SCNN1B: variants seen among roughly 807,000 people sequenced by gnomAD.
The protein encoded by SCNN1B is sodium channel epithelial 1 subunit beta.
In SCNN1B, 46 loss-of-function variants were observed where a neutral mutation model predicts 65.3. The observed-to-expected ratio is 0.70, with a 90% CI of 0.56 to 0.90. The LOEUF is 0.90. Among genes scored for constraint, SCNN1B ranks in the 40% least tolerant of loss-of-function variants. The pLI is 0.00. For synonymous variants in SCNN1B, 349 were observed against 330.6 expected (o/e 1.06, Z -0.60); for missense variants, 751 against 830.5 (o/e 0.90, Z 1.18).
intron 2 of SCNN1B, among the ~76,000 whole-genome samples, chr16:23,293,995 A>C (rs1960962013): frequency 6.6e-6 from 1 of 152,112 alleles, no homozygotes; most frequent in South Asian, 2.1e-4. Flanking sequence ...AATAAAAAAA[A>C]TATAAAAAAT....
intron 2 of SCNN1B, among the ~76,000 whole-genome samples, chr16:23,349,754 C>G (rs1034371625): frequency 6.6e-6 from 1 of 152,090 alleles, no homozygotes; most frequent in Non-Finnish European, 1.5e-5. Context: ...ACATGCCCCA[C>G]AAAGTTGTCC....
At chr16:23,300,887 T>C (rs1451903805), upstream of SCNN1B, among the ~76,000 whole-genome samples, 1 of 151,964 alleles carries the variant, frequency 6.6e-6, no homozygotes, top group Non-Finnish European at 1.5e-5. Flanking sequence ...AAGTAGTGGG[T>C]TTATTATAGT....
In SCNN1B at chr16:23,288,413, T is replaced by C. The variant is rs546741400; in HGVS notation, n.178+4609T>C. On this transcript the variant is annotated intron_variant and non_coding_transcript_variant, in intron 2 of 3. Transcript: ENST00000569789. ...TACCACACTTAGTGGCTTAAAACATTACTCATTTATTACGTGACAGTTTCT... is the reference window on the plus strand; with the variant it reads ...TACCACACTTAGTGGCTTAAAACATCACTCATTTATTACGTGACAGTTTCT... 3.1e-4 allele frequency among the ~76,000 whole-genome samples: 47 copies of C among 152,296 alleles called. 1 individual carries two copies. The highest frequency in any genetic ancestry group is 9.2e-4 in the Admixed American group (14 of 15,292).
At chr16:23,296,924 T>A (rs1961005546) in intron 2 of SCNN1B, among the ~76,000 whole-genome samples, 1 of 149,678 alleles carries the variant, frequency 6.7e-6, no homozygotes, top group Non-Finnish European at 1.5e-5. Context: ...GAGGCAGAGG[T>A]TGCAGTGAGC....
intron 7 of SCNN1B, among the ~76,000 whole-genome samples, chr16:23,374,273 A>AAAAAAG (rs1962844770): frequency 7.6e-6 from 1 of 132,064 alleles, no homozygotes; most frequent in Non-Finnish European, 1.7e-5. Context: ...CTCAGGAAAA[A>AAAAAAG]AAAAAAAAAA....
chr16:23,336,573 T>C (rs564104110), intron 1 of SCNN1B, among the ~76,000 whole-genome samples: 1 of 152,194 alleles, frequency 6.6e-6, no homozygotes, highest in Middle Eastern at 3.4e-3. Flanking sequence ...GGTTTCACCA[T>C]GTTGGCCAGG....
chr16:23,343,495 G>GAAGGAAGGAAGGAAGGAAGGAAGGAA (rs1962099982), intron 1 of SCNN1B, among the ~76,000 whole-genome samples: 1 of 86,578 alleles, frequency 1.2e-5, no homozygotes, highest in African/African-American at 3.5e-5. Context: ...AGGAAGGAAG[G>GAAGGAAGGAAGGAAGGAAGGAAGGAA]AAGGAAGGAA....
intron 4 of SCNN1B, among the ~76,000 whole-genome samples, chr16:23,357,979 C>T (rs1962454923): frequency 6.6e-6 from 1 of 152,256 alleles, no homozygotes; most frequent in Non-Finnish European, 1.5e-5. Flanking sequence ...GGCCCATCTG[C>T]TCAGTGAGAA....
At chr16:23,349,364 G>A (rs1962259950) in intron 2 of SCNN1B, among the ~76,000 whole-genome samples, 1 of 152,176 alleles carries the variant, frequency 6.6e-6, no homozygotes, top group South Asian at 2.1e-4. Context: ...GCACATGTCT[G>A]TGGTCTGAGC....
chr16:23,374,470 A>G (rs946343270), intron 7 of SCNN1B, among the ~76,000 whole-genome samples: 19 of 143,724 alleles, frequency 1.3e-4, no homozygotes, highest in Admixed American at 3.7e-4. Context: ...GCTACTCAGG[A>G]GGCTAAGGCA....
At chr16:23,319,745 T>C (rs1961548777) in intron 1 of SCNN1B, among the ~76,000 whole-genome samples, 3 of 152,114 alleles carry the variant, frequency 2.0e-5, no homozygotes, top group Admixed American at 2.0e-4. Flanking sequence ...GCACATATTA[T>C]CAAATTATCT....
At chr16:23,349,946 G>A (rs1290419238) in intron 2 of SCNN1B, among the ~76,000 whole-genome samples, 1 of 151,652 alleles carries the variant, frequency 6.6e-6, no homozygotes, top group Non-Finnish European at 1.5e-5. Flanking sequence ...AAAAATACAG[G>A]CAATGCCTGT....
chr16:23,303,822 C>T (rs926639235), intron 1 of SCNN1B, among the ~76,000 whole-genome samples: 3 of 151,526 alleles, frequency 2.0e-5, no homozygotes, highest in South Asian at 2.1e-4. Context: ...AGGAGGCTGA[C>T]GCAGGTGGAT....
rs113986605 is a variant in SCNN1B, at chr16:23,279,676, G to A, written n.110+1336G>A. Among the ~76,000 whole-genome samples, 690 of 152,204 alleles carry A rather than the reference G, an allele frequency of 4.5e-3. 4 individuals carry two copies. The highest frequency in any genetic ancestry group is 0.016 in the African/African-American group (650 of 41,530). On this transcript the variant is annotated intron_variant and non_coding_transcript_variant, in intron 1 of 3. Coordinates refer to the SCNN1B transcript ENST00000569789. Reference sequence around the variant, plus strand: ...AGAGGACAGAAATACAAATTACTTCGTTACAGAAAAGTAAACACTTTTATG... The same window carrying A: ...AGAGGACAGAAATACAAATTACTTCATTACAGAAAAGTAAACACTTTTATG...
At chr16:23,376,588 G>A (rs1962900483) in intron 8 of SCNN1B, among the ~76,000 whole-genome samples, 1 of 151,922 alleles carries the variant, frequency 6.6e-6, no homozygotes, top group Admixed American at 6.6e-5. Context: ...GGGCCTGGGA[G>A]CCCTGGCGGT....
intron 1 of SCNN1B, among the ~76,000 whole-genome samples, chr16:23,279,842 G>A (rs185559063): frequency 6.6e-5 from 10 of 152,258 alleles, no homozygotes; most frequent in Non-Finnish European, 1.3e-4. Flanking sequence ...AGCCTGCAGA[G>A]CTCCGAGCTC....
upstream of SCNN1B, among the ~76,000 whole-genome samples, chr16:23,299,972 A>C (rs897838050): frequency 7.9e-5 from 12 of 152,262 alleles, no homozygotes; most frequent in Non-Finnish European, 1.6e-4. Flanking sequence ...CTGGATAAAG[A>C]AAATGTGGCA....
chr16:23,331,417 T>A (rs1260255889), intron 1 of SCNN1B, among the ~76,000 whole-genome samples: 1 of 151,520 alleles, frequency 6.6e-6, no homozygotes, highest in Non-Finnish European at 1.5e-5. Flanking sequence ...CTCTGCCTCC[T>A]GGGTTCAAGT....
At chr16:23,300,021 A>G (rs1961051293), upstream of SCNN1B, among the ~76,000 whole-genome samples, 1 of 152,218 alleles carries the variant, frequency 6.6e-6, no homozygotes. Context: ...ATAAAAAAGG[A>G]TGAGTTCATG....
Sources: allele counts gnomAD v4.1 joint callset (sites outside exome capture counted in the v4.1 genomes callset), GRCh38; gene constraint gnomAD v4.1.1; transcripts MANE v1.5; gene names NCBI Gene and HGNC (gene_info 2026-07-23, HGNC 2026-07-21).